Variants in FLACC1 observed in about 807,000 individuals in gnomAD.
The protein encoded by FLACC1 is flagellum associated containing coiled-coil domains 1, also known as flagellum-associated coiled-coil domain-containing protein 1.
In FLACC1, 66 loss-of-function variants were observed where a neutral mutation model predicts 62.8. The observed-to-expected ratio is 1.05, with a 90% CI of 0.86 to 1.29. FLACC1 has a LOEUF of 1.29. Ranked by LOEUF, FLACC1 falls within the 50% of genes most tolerant of loss-of-function variation. FLACC1 has a pLI of 0.00. For synonymous variants in FLACC1, 156 were observed against 161.0 expected (o/e 0.97, Z 0.24); for missense variants, 452 against 489.1 (o/e 0.92, Z 0.71).
At chr2:201,353,332 A>C (rs554077698) in intron 1 of FLACC1, among the ~76,000 whole-genome samples, 14 of 152,242 alleles carry the variant, frequency 9.2e-5, no homozygotes, top group Non-Finnish European at 1.5e-4. Context: ...GGGATGTATA[A>C]GAGCCAAATC....
Position 201,357,061 on chromosome 2 carries a change from G to A in FLACC1, c.-127C>T, listed in dbSNP as rs1951131046. The A allele has an allele frequency of 6.6e-6, 1 of 152,178 alleles. No individual in the cohort carries two copies. The highest frequency in any genetic ancestry group is 2.4e-5 in the African/African-American group (1 of 41,450). The allele number at this position is 152,178 out of a possible 1,614,324, so 9.4% of individuals were successfully genotyped here. On this transcript the variant is annotated 5_prime_UTR_variant, in exon 1 of 15. Transcript: ENST00000392257. The stretch of plus-strand genomic sequence containing the variant: ...AGAAACCACCATGTTAGAGAGAAAT[G>A]GTTCCCCATCAACACAGAATCAGAG...
intron 7 of FLACC1, among the ~76,000 whole-genome samples, chr2:201,331,580 T>C (rs1950595151): frequency 6.6e-6 from 1 of 152,172 alleles, no homozygotes; most frequent in Non-Finnish European, 1.5e-5. Context: ...TTAAAGCATA[T>C]TACTAAGTGA....
chr2:201,324,649 A>G (rs1195240704), intron 9 of FLACC1, among the ~76,000 whole-genome samples: 1 of 152,246 alleles, frequency 6.6e-6, no homozygotes, highest in Non-Finnish European at 1.5e-5. Context: ...TTGAAATCCT[A>G]TGAAGTATCT....
At chr2:201,350,812 A>G (rs1210756964) in intron 2 of FLACC1, 30 bp from the exon 3 acceptor site, 4 of 1,585,336 alleles carry the variant, frequency 2.5e-6, no homozygotes, top group Middle Eastern at 1.7e-4. Flanking sequence ...AACTAAAACA[A>G]GAACATTGGA....
At chr2:201,319,907 C>G (rs966569952) in intron 9 of FLACC1, among the ~76,000 whole-genome samples, 2 of 152,216 alleles carry the variant, frequency 1.3e-5, no homozygotes, top group Non-Finnish European at 2.9e-5. Flanking sequence ...CAGGAGGCTG[C>G]AGGTTACACT....
At chr2:201,339,378 C>A (rs10181705) in intron 7 of FLACC1, among the ~76,000 whole-genome samples, 4,255 of 151,554 alleles carry the variant, frequency 0.028, 201 homozygotes, top group African/African-American at 0.096. Context: ...TTTTTGCTGA[C>A]CCTTTGTATT....
At chr2:201,289,931 TC>T in intron 12 of FLACC1, 146 bp from the exon 13 acceptor site, 1 of 1,416,148 alleles carries the variant, frequency 7.1e-7, no homozygotes, top group Non-Finnish European at 9.7e-7. Flanking sequence ...CAGTCCTGCC[TC>T]CTCTCTGTCT....
chr2:201,324,954 C>A (rs2125586170), intron 9 of FLACC1, among the ~76,000 whole-genome samples: 1 of 152,050 alleles, frequency 6.6e-6, no homozygotes, highest in South Asian at 2.1e-4. Flanking sequence ...ATGGTGAAAC[C>A]CCATCTTTAC....
chr2:201,340,894 GT>G (rs1181864610), intron 7 of FLACC1, among the ~76,000 whole-genome samples: 1 of 152,176 alleles, frequency 6.6e-6, no homozygotes, highest in East Asian at 1.9e-4. Flanking sequence ...TTGGTAGGCA[GT>G]TTTTTCCTTC....
chr2:201,323,707 A>G (rs1352800114), intron 9 of FLACC1, among the ~76,000 whole-genome samples: 1 of 149,416 alleles, frequency 6.7e-6, no homozygotes. Context: ...GAATCTCTTG[A>G]ACCCAGGAGA....
chr2:201,321,951 G>C (rs915651354), intron 9 of FLACC1, among the ~76,000 whole-genome samples: 2 of 152,096 alleles, frequency 1.3e-5, no homozygotes, highest in African/African-American at 2.4e-5. Context: ...CCTGAAGCTG[G>C]AACCATCAAA....
intron 7 of FLACC1, among the ~76,000 whole-genome samples, chr2:201,333,582 G>C (rs1335801507): frequency 2.6e-5 from 3 of 115,846 alleles, no homozygotes. Context: ...AGTCCCCAGA[G>C]TGTGATGTTC....
At chr2:201,349,309 A>G (rs574800091) in intron 3 of FLACC1, among the ~76,000 whole-genome samples, 46 of 152,334 alleles carry the variant, frequency 3.0e-4, no homozygotes, top group African/African-American at 1.1e-3. Context: ...CTCTGCCAAG[A>G]GTGCTTGCCC....
At chr2:201,295,085 G>T (rs148335469) in intron 12 of FLACC1, among the ~76,000 whole-genome samples, 51,108 of 152,020 alleles carry the variant, frequency 0.34, 10,129 homozygotes, top group East Asian at 0.48. Context: ...TGGCCATAAT[G>T]CTCAAGGTAA....
intron 12 of FLACC1, among the ~76,000 whole-genome samples, chr2:201,294,060 C>T (rs1949801800): frequency 6.6e-6 from 1 of 152,054 alleles, no homozygotes; most frequent in South Asian, 2.1e-4. Context: ...AGTCCAGGAC[C>T]AGATGGATTC....
chr2:201,330,534 G>C lies in FLACC1; in HGVS notation c.623-12C>G, dbSNP rs1444605998. Reference sequence around the variant, plus strand: ...TTTTCCCATCTCCTCTGGATAAAAGGAAAACAACAGGATCATCATTAGTCT... The same window carrying C: ...TTTTCCCATCTCCTCTGGATAAAAGCAAAACAACAGGATCATCATTAGTCT... On this transcript the variant is annotated splice_polypyrimidine_tract_variant and intron_variant, in intron 8 of 14. Transcript: ENST00000392257. The C allele has an allele frequency of 6.2e-7, 1 of 1,612,482 alleles. No homozygotes were observed.
chr2:201,290,255 AAGAG>A (rs890255659), intron 12 of FLACC1, among the ~76,000 whole-genome samples: 25 of 152,166 alleles, frequency 1.6e-4, no homozygotes, highest in African/African-American at 5.3e-4. Flanking sequence ...GTACAACACA[AAGAG>A]AGAACCCTCA....
rs1576447085 is a variant in FLACC1 at position 201,323,805 on chromosome 2, T to TAAAAAAAAAAAAAAAA, written c.675+6664_675+6665insTTTTTTTTTTTTTTTT. Among the ~76,000 whole-genome samples, 36 of 79,346 alleles carry TAAAAAAAAAAAAAAAA rather than the reference T, an allele frequency of 4.5e-4. 1 individual carries two copies. Among genetic ancestry groups the TAAAAAAAAAAAAAAAA allele is most frequent in the South Asian group, 1.1e-3 (2 of 1,758 alleles). The allele number at this position is 79,346 out of a possible 152,430, so 52.1% of individuals were successfully genotyped here. Reference sequence around the variant, plus strand: ...CTATCAAAAAAAAAAAAAAAAAAAGTAAGGAAGGAAGGAAGGAAAGAAAAG... The same window carrying TAAAAAAAAAAAAAAAA: ...CTATCAAAAAAAAAAAAAAAAAAAGTAAAAAAAAAAAAAAAAAAGGAAGGAAGGAAGGAAAGAAAAG... On this transcript the variant is annotated intron_variant, in intron 9 of 14. Transcript: ENST00000392257.
At chr2:201,330,093 A>G (rs911314574) in intron 9 of FLACC1, among the ~76,000 whole-genome samples, 1 of 152,224 alleles carries the variant, frequency 6.6e-6, no homozygotes, top group African/African-American at 2.4e-5. Context: ...GATAAAGAAC[A>G]TATAAAAAAT....
Sources: gnomAD v4.1 joint callset for allele counts (sites outside exome capture counted in the v4.1 genomes callset) on GRCh38, gnomAD v4.1.1 for gene constraint, MANE v1.5 for transcripts, NCBI Gene and HGNC (gene_info 2026-07-23, HGNC 2026-07-21) for gene names.